The following OCM variants were observed in gnomAD, a reference collection of about 807,000 sequenced individuals.
OCM encodes oncomodulin-1.
In OCM, 18 loss-of-function variants were observed where a neutral mutation model predicts 14.1. The observed-to-expected ratio is 1.28, with a 90% CI of 0.88 to 1.89. OCM has a LOEUF of 1.89. OCM is among the 40% of genes most tolerant of loss of function. The pLI is 0.00. For missense variants in OCM, 140 were observed against 137.6 expected (o/e 1.02, Z -0.09); for synonymous variants, 48 against 51.0 (o/e 0.94, Z 0.25).
chr7:5,871,192 AAAAAT>A, the OCM span, among the ~76,000 whole-genome samples: 2,960 of 151,576 alleles, frequency 0.02, 112 homozygotes, highest in African/African-American at 0.068. Context: ...CGTCTCTACA[AAAAAT>A]AAAATAAATT....
At chr7:5,860,409 C>CGT in the OCM span, among the ~76,000 whole-genome samples, 92 of 129,006 alleles carry the variant, frequency 7.1e-4, no homozygotes, top group East Asian at 0.018. Flanking sequence ...TGTATATATA[C>CGT]GTATATATAT....
At chr7:5,872,310 A>C in the OCM span, among the ~76,000 whole-genome samples, 2 of 152,144 alleles carry the variant, frequency 1.3e-5, no homozygotes, top group African/African-American at 4.8e-5. Flanking sequence ...GCCCTAAGAC[A>C]CTTCACGGTC....
Position 5,882,618 on chromosome 7 carries a change from G to A in OCM, c.187G>A (p.Glu63Lys). Residue 63 changes from glutamate to lysine, a missense_variant, in exon 2 of 4, where the codon GAG (glutamate) becomes AAG (lysine). Transcript: ENST00000242104. Reference protein sequence around the residue: ...NDQSGYLDEEELKFFLQKFES... With the variant: ...NDQSGYLDEEKLKFFLQKFES... ...CCAGAGCGGGTACCTGGATGAAGAA[G>A]AGCTTAAGTAAGCTTTGTCCTGAGT... 6.2e-7 allele frequency: 1 copy of A among 1,614,104 alleles called. No individual in the cohort carries two copies. The highest frequency in any genetic ancestry group is 8.5e-7 in the Non-Finnish European group (1 of 1,180,014).
the OCM span, among the ~76,000 whole-genome samples, chr7:5,866,467 G>GGGAA: frequency 0.066 from 9,416 of 141,746 alleles, 558 homozygotes; most frequent in Admixed American, 0.2. Context: ...GAGGGAGGGA[G>GGGAA]GGAAGAAGAA....
At chr7:5,881,077 G>A (rs1283809150) in intron 1 of OCM, 127 bp downstream of exon 1, 1 of 873,208 alleles carries the variant, frequency 1.1e-6, no homozygotes, top group Admixed American at 2.1e-5. Context: ...CCAGCACTTT[G>A]GGAGGCCGAG....
intron 2 of OCM, 39 bp from the exon 3 acceptor site, chr7:5,883,851 T>A: frequency 6.2e-7 from 1 of 1,612,518 alleles, no homozygotes; most frequent in Non-Finnish European, 8.5e-7. Flanking sequence ...AGATGCATGA[T>A]CTTTTTGAAA....
chr7:5,882,762 G>T, intron 2 of OCM, 137 bp downstream of exon 2: 4 of 1,021,866 alleles, frequency 3.9e-6, no homozygotes, highest in Non-Finnish European at 5.7e-6. Context: ...TTAAAGCAAA[G>T]GACATGAGTC....
chr7:5,886,197 T>G lies in OCM; in HGVS notation c.*108T>G. ...CCCATCCCTACCTAATTTGTTAATT[T>G]TCCCTGAAAACCTTCTGCAGTTTGC... is the stretch of plus-strand genomic sequence containing the variant. On this transcript the variant is annotated 3_prime_UTR_variant, in exon 4 of 4. Transcript: ENST00000242104. 1 of 1,324,802 alleles carries G rather than the reference T, an allele frequency of 7.5e-7. No individual in the cohort carries two copies. The allele number at this position is 1,324,802 out of a possible 1,614,324, so 82.1% of individuals were successfully genotyped here. A position where few individuals can be genotyped will look rare whatever the true frequency, so the allele number is the denominator to read the frequency against.
chr7:5,884,855 C>T (rs1343960369), intron 3 of OCM, among the ~76,000 whole-genome samples: 2 of 152,212 alleles, frequency 1.3e-5, no homozygotes, highest in East Asian at 1.9e-4. Flanking sequence ...CGTGGTGGCT[C>T]AGGCCTATAA....
the OCM span, among the ~76,000 whole-genome samples, chr7:5,864,233 T>C: frequency 2.7e-5 from 4 of 149,616 alleles, no homozygotes; most frequent in Non-Finnish European, 4.5e-5. Flanking sequence ...CAGCTCCTGG[T>C]TGGGGGGGAT....
the OCM span, among the ~76,000 whole-genome samples, chr7:5,860,875 T>C: frequency 6.6e-6 from 1 of 150,400 alleles, no homozygotes; most frequent in South Asian, 2.1e-4. Context: ...TATATATTTA[T>C]TTATTTATTG....
the OCM span, among the ~76,000 whole-genome samples, chr7:5,867,735 G>T: frequency 6.6e-6 from 1 of 151,400 alleles, no homozygotes; most frequent in Non-Finnish European, 1.5e-5. Flanking sequence ...TGATGTGGGG[G>T]TGTTTGGGAG....
rs765418445 is a variant in OCM at position 5,883,916 on chromosome 7, G to T, written c.221G>T (p.Gly74Val). The change falls in exon 3 of 4, where the codon GGT becomes GTT. Residue 74 changes from glycine to valine, a missense_variant. Transcript: ENST00000242104. The part of the protein sequence containing the change: ...LKFFLQKFES[G>V]ARELTESETK... ...TTTTTCCTCCAGAAGTTTGAGAGTG[G>T]TGCCAGAGAACTGACCGAGTCAGAA... 1.2e-6 allele frequency: 2 copies of T among 1,612,834 alleles called. No homozygotes were observed. Among genetic ancestry groups the T allele is most frequent in the South Asian group, 1.1e-5 (1 of 90,824 alleles).
chr7:5,886,311 C>T lies in OCM; in HGVS notation c.*222C>T, dbSNP rs1781337149. ...TGACAACTTCTGTAAGCCCCCCTTC[C>T]CCCAACAGGCAATGCCTCTAAAAAT... On this transcript the variant is annotated 3_prime_UTR_variant, in exon 4 of 4. Coordinates refer to ENST00000242104, the MANE Select transcript of OCM (RefSeq NM_001097622.2). 1 of 546,402 alleles carries T rather than the reference C, an allele frequency of 1.8e-6. No homozygotes were observed. Among genetic ancestry groups the T allele is most frequent in the Admixed American group, 3.0e-5 (1 of 32,886 alleles). 33.8% of individuals were successfully genotyped at this position (546,402 alleles called of 1,614,324 possible).
At chr7:5,879,027 C>T (rs1781155369), upstream of OCM, among the ~76,000 whole-genome samples, 1 of 151,838 alleles carries the variant, frequency 6.6e-6, no homozygotes, top group Non-Finnish European at 1.5e-5. Flanking sequence ...CCCTGTCTCT[C>T]CAAAAAATAT....
chr7:5,859,755 T>A, the OCM span, among the ~76,000 whole-genome samples: 2 of 152,076 alleles, frequency 1.3e-5, no homozygotes, highest in African/African-American at 4.8e-5. Flanking sequence ...TGGAGTGCAA[T>A]GGCGTGATCT....
the OCM span, among the ~76,000 whole-genome samples, chr7:5,866,555 G>T: frequency 6.6e-6 from 1 of 152,128 alleles, no homozygotes; most frequent in African/African-American, 2.4e-5. Context: ...GGATGGGAGG[G>T]ATTGGAGTGA....
chr7:5,876,805 CTT>C (rs111241085), upstream of OCM, among the ~76,000 whole-genome samples: 41 of 140,298 alleles, frequency 2.9e-4, no homozygotes, highest in Admixed American at 2.2e-4. Flanking sequence ...TTGTCTACTT[CTT>C]TTTTTTTTTT....
chr7:5,865,170 C>T, the OCM span, among the ~76,000 whole-genome samples: 26 of 151,854 alleles, frequency 1.7e-4, no homozygotes, highest in Admixed American at 1.3e-3. Context: ...TCCTGGCCAG[C>T]GTCGGGGCCG....
Sources: gnomAD v4.1 joint callset for allele counts (sites outside exome capture counted in the v4.1 genomes callset) on GRCh38, gnomAD v4.1.1 for gene constraint, MANE v1.5 for transcripts, NCBI Gene and HGNC (gene_info 2026-07-23, HGNC 2026-07-21) for gene names.